Variants in TEX26 observed in about 807,000 individuals in gnomAD.
The protein encoded by TEX26 is testis expressed 26, also known as testis-expressed protein 26.
TEX26 carries 34 observed loss-of-function variants against 35.3 expected under a neutral mutation model. That is an observed-to-expected ratio of 0.96 (90% CI 0.73 to 1.28). The LOEUF (loss-of-function observed/expected upper bound fraction) is 1.28, where lower values mean the gene tolerates loss of function less well. Among genes scored for constraint, TEX26 ranks in the 50% most tolerant of loss-of-function variants. TEX26 has a pLI of 0.00. For missense variants in TEX26, 371 were observed against 330.1 expected, an observed-to-expected ratio of 1.12 and a Z score of -0.96; for synonymous variants, 136 against 111.8, an observed-to-expected ratio of 1.22 and a Z score of -1.36.
At chr13:30,953,256 T>C (rs1040279462) in intron 3 of TEX26, among the ~76,000 whole-genome samples, 3 of 152,208 alleles carry the variant, frequency 2.0e-5, no homozygotes, top group Admixed American at 6.5e-5. Flanking sequence ...CTTTTGTGGA[T>C]ATTTTACATG....
In TEX26 at chr13:30,974,131, A is replaced by ATATAT. The variant is rs1555271792; in HGVS notation, c.809-715_809-714insTATAT. On this transcript the variant is annotated intron_variant, in intron 6 of 6. Coordinates refer to ENST00000380473, the MANE Select transcript of TEX26 (RefSeq NM_152325.3). ...GTGAGCCTCCATCTAAAAAAAAAAA[A>ATATAT]ATATATATATATATATATATATATA... Among the ~76,000 whole-genome samples, 5 of 84,430 alleles carry ATATAT rather than the reference A, an allele frequency of 5.9e-5. No individual in the cohort carries two copies. In the East Asian group the frequency reaches 9.4e-4, roughly 16 times the overall value. 55.4% of individuals were successfully genotyped at this position (84,430 alleles called of 152,430 possible). A position where few individuals can be genotyped will look rare whatever the true frequency, so the allele number is the denominator to read the frequency against.
At chr13:30,967,176 C>T (rs1210694350) in intron 5 of TEX26, among the ~76,000 whole-genome samples, 1 of 152,182 alleles carries the variant, frequency 6.6e-6, no homozygotes, top group Non-Finnish European at 1.5e-5. Context: ...ACTAGTTAAA[C>T]AGAAAACTTG....
chr13:30,952,551 C>A, intron 2 of TEX26, 109 bp from the exon 3 acceptor site: 2 of 911,702 alleles, frequency 2.2e-6, no homozygotes, highest in Non-Finnish European at 3.2e-6. Context: ...AACTCTTATG[C>A]CAATCAATCT....
chr13:30,968,201 T>A (rs988094912), intron 5 of TEX26, among the ~76,000 whole-genome samples: 1 of 152,210 alleles, frequency 6.6e-6, no homozygotes, highest in Non-Finnish European at 1.5e-5. Flanking sequence ...GGAGGGTTGA[T>A]GCTTTTATAT....
intron 3 of TEX26, among the ~76,000 whole-genome samples, chr13:30,955,960 G>A (rs765640882): frequency 3.9e-5 from 6 of 152,126 alleles, no homozygotes; most frequent in Non-Finnish European, 7.4e-5. Flanking sequence ...AAAGAGGGAC[G>A]ATGGCAAGAG....
intron 3 of TEX26, among the ~76,000 whole-genome samples, chr13:30,953,279 T>C (rs1954000749): frequency 6.6e-6 from 1 of 152,212 alleles, no homozygotes; most frequent in Non-Finnish European, 1.5e-5. Flanking sequence ...GAATCAATAA[T>C]AGGTGACCTT....
chr13:30,970,123 C>T (rs1020103472), intron 6 of TEX26, among the ~76,000 whole-genome samples: 4 of 151,644 alleles, frequency 2.6e-5, no homozygotes, highest in Admixed American at 1.3e-4. Context: ...CTAAGAAAGA[C>T]TGAAAACCTA....
chr13:30,945,126 A>G (rs1953655342), intron 2 of TEX26, among the ~76,000 whole-genome samples: 1 of 151,912 alleles, frequency 6.6e-6, no homozygotes, highest in South Asian at 2.1e-4. Context: ...TGGGAGCTCC[A>G]GTGTTAGATG....
At chr13:30,936,775 A>G (rs1953288265) in intron 1 of TEX26, 3 of 985,322 alleles carry the variant, frequency 3.0e-6, no homozygotes, top group Admixed American at 1.2e-4. Context: ...AATTAGGAAG[A>G]CGTAATCACA....
intron 2 of TEX26, among the ~76,000 whole-genome samples, chr13:30,947,267 G>C (rs1251531972): frequency 6.6e-6 from 1 of 152,002 alleles, no homozygotes; most frequent in African/African-American, 2.4e-5. Flanking sequence ...CCTATATCTA[G>C]TTTTGAGCAT....
intron 2 of TEX26, among the ~76,000 whole-genome samples, chr13:30,943,805 G>A (rs1195687236): frequency 6.6e-6 from 1 of 151,990 alleles, no homozygotes; most frequent in African/African-American, 2.4e-5. Flanking sequence ...GCATCCCTGG[G>A]ATGAAACCCA....
intron 3 of TEX26, among the ~76,000 whole-genome samples, chr13:30,956,340 T>C (rs1044357801): frequency 1.3e-5 from 2 of 152,004 alleles, no homozygotes; most frequent in Non-Finnish European, 2.9e-5. Flanking sequence ...ACAAAGGACA[T>C]GAACTCATCA....
intron 2 of TEX26, among the ~76,000 whole-genome samples, chr13:30,951,943 A>G (rs1193038819): frequency 7.0e-5 from 2 of 28,448 alleles, no homozygotes; most frequent in African/African-American, 1.5e-4. Flanking sequence ...AGAGAAAGAG[A>G]ACTTTTTTTT....
chr13:30,956,699 G>A (rs1181879756), intron 3 of TEX26, among the ~76,000 whole-genome samples, 174 bp from the exon 4 acceptor site: 1 of 152,214 alleles, frequency 6.6e-6, no homozygotes, highest in African/African-American at 2.4e-5. Context: ...CAGAGCCCGC[G>A]TTTCGACTGG....
chr13:30,937,091 G>A (rs539828218), intron 1 of TEX26: 117 of 674,806 alleles, frequency 1.7e-4, no homozygotes, highest in Non-Finnish European at 2.1e-4. Flanking sequence ...TTAGGATTAG[G>A]GAGTGGAGGG....
At chr13:30,937,877 A>T (rs1395213969) in intron 1 of TEX26, among the ~76,000 whole-genome samples, 2 of 152,212 alleles carry the variant, frequency 1.3e-5, no homozygotes, top group Non-Finnish European at 2.9e-5. Context: ...TATAAACAAG[A>T]CTTGATTGGG....
chr13:30,935,776 G>T (rs183123245), intron 1 of TEX26, among the ~76,000 whole-genome samples: 70 of 152,338 alleles, frequency 4.6e-4, no homozygotes, highest in African/African-American at 1.6e-3. Context: ...CCTCCGAGCT[G>T]TTCTAACACT....
At chr13:30,956,126 T>C (rs1268347602) in intron 3 of TEX26, among the ~76,000 whole-genome samples, 2 of 151,520 alleles carry the variant, frequency 1.3e-5, no homozygotes, top group African/African-American at 4.8e-5. Context: ...TAACTAGTCA[T>C]TTAGCATTAG....
intron 2 of TEX26, among the ~76,000 whole-genome samples, chr13:30,944,353 T>C (rs1216720036): frequency 3.3e-5 from 5 of 152,008 alleles, no homozygotes; most frequent in Non-Finnish European, 5.9e-5. Flanking sequence ...TCTCTTCTTT[T>C]CTTGGTTAAT....
Sources: gnomAD v4.1 joint callset for allele counts (sites outside exome capture counted in the v4.1 genomes callset) on GRCh38, gnomAD v4.1.1 for gene constraint, MANE v1.5 for transcripts, NCBI Gene and HGNC (gene_info 2026-07-23, HGNC 2026-07-21) for gene names.